MBD5: variants seen among roughly 807,000 people sequenced by gnomAD.
The protein encoded by MBD5 is methyl-CpG binding domain protein 5, also known as methyl-CpG-binding domain protein 5.
In MBD5, 13 loss-of-function variants were observed where a neutral mutation model predicts 117.3. That is an observed-to-expected ratio of 0.11 (90% CI 0.07 to 0.18). MBD5 has a LOEUF of 0.18. MBD5 is among the 10% of genes least tolerant of loss of function. The pLI is 1.00. For synonymous variants in MBD5, 727 were observed against 766.4 expected (o/e 0.95, Z 0.85); for missense variants, 1,879 against 2,093.8 (o/e 0.90, Z 2.00).
rs534156534 is a variant in MBD5 at position 148,366,691 on chromosome 2, G to A, written c.-557+24355G>A. Among the ~76,000 whole-genome samples, 8 of 152,074 alleles carry A rather than the reference G, an allele frequency of 5.3e-5. 1 individual carries two copies. The South Asian group carries it at 1.7e-3, about 32-fold the overall frequency. Reference sequence around the variant, plus strand: ...ATTCCTATACACCAATAATAAACAAGCGGAGAGCCAAATCATGAGTGAACT... The same window carrying A: ...ATTCCTATACACCAATAATAAACAAACGGAGAGCCAAATCATGAGTGAACT... On this transcript the variant is annotated intron_variant, in intron 4 of 13. Transcript: ENST00000642680.
intron 2 of MBD5, among the ~76,000 whole-genome samples, chr2:148,219,637 A>C (rs561042311): frequency 2.0e-5 from 3 of 152,220 alleles, no homozygotes; most frequent in Non-Finnish European, 4.4e-5. Flanking sequence ...ATTATTAGGC[A>C]TACAGAAACA....
intron 1 of MBD5, among the ~76,000 whole-genome samples, chr2:148,132,459 C>A (rs116746222): frequency 6.6e-6 from 1 of 151,250 alleles, no homozygotes; most frequent in Non-Finnish European, 1.5e-5. Context: ...AAGTGAAGTA[C>A]GTCCATATGG....
chr2:148,452,714 C>A (rs1706765184), intron 4 of MBD5, among the ~76,000 whole-genome samples: 1 of 151,956 alleles, frequency 6.6e-6, no homozygotes, highest in East Asian at 1.9e-4. Flanking sequence ...TGTCTATAAA[C>A]CACTTAGTAA....
chr2:148,241,391 A>G (rs983116576), intron 3 of MBD5, among the ~76,000 whole-genome samples: 2 of 152,140 alleles, frequency 1.3e-5, no homozygotes, highest in East Asian at 1.9e-4. Flanking sequence ...GGTGTTACTA[A>G]TCTGCTTTTA....
chr2:148,280,383 C>T (rs968699066), intron 3 of MBD5, among the ~76,000 whole-genome samples: 6 of 152,072 alleles, frequency 3.9e-5, no homozygotes, highest in Admixed American at 2.6e-4. Context: ...ACAGTTACTT[C>T]TTATGTCCCT....
At chr2:148,318,146 T>G (rs1702197337) in intron 3 of MBD5, among the ~76,000 whole-genome samples, 1 of 152,192 alleles carries the variant, frequency 6.6e-6, no homozygotes, top group Admixed American at 6.5e-5. Context: ...GTAATAGCCC[T>G]TCTGACTGGT....
chr2:148,313,147 A>G (rs1232337668), intron 3 of MBD5, among the ~76,000 whole-genome samples: 1 of 152,134 alleles, frequency 6.6e-6, no homozygotes. Context: ...CCATTTGAGG[A>G]GGCAGTCTAT....
chr2:148,469,262 C>A lies in MBD5; in HGVS notation c.1319C>A (p.Thr440Lys). ...ACCTCCCTGTCCCCTTCTCCAGTGACATCCCCCGTGCACATGATGGGGACT... is the reference window on the plus strand; with the variant it reads ...ACCTCCCTGTCCCCTTCTCCAGTGAAATCCCCCGTGCACATGATGGGGACT... ...ASTSLSPSPV[T>K]SPVHMMGTGI... is the part of the protein sequence containing the mutation. The change falls in exon 8 of 14, where the codon ACA becomes AAA. Residue 440 changes from threonine to lysine, a missense_variant. Physicochemically the swap from Thr to Lys is moderately conservative, Grantham distance 78. Coordinates refer to ENST00000642680, the MANE Select transcript of MBD5 (RefSeq NM_001378120.1). The A allele has an allele frequency of 6.2e-7, 1 of 1,613,962 alleles. No individual in the cohort carries two copies. The highest frequency in any genetic ancestry group is 2.2e-5 in the East Asian group (1 of 44,850).
At chr2:148,420,883 C>T (rs1383409991) in intron 4 of MBD5, among the ~76,000 whole-genome samples, 2 of 152,078 alleles carry the variant, frequency 1.3e-5, no homozygotes, top group East Asian at 1.9e-4. Context: ...CACACCACCA[C>T]ACCCAGCTAA....
At chr2:148,368,004 C>A (rs1259048426) in intron 4 of MBD5, among the ~76,000 whole-genome samples, 1 of 152,110 alleles carries the variant, frequency 6.6e-6, no homozygotes, top group African/African-American at 2.4e-5. Context: ...ATAAATCATT[C>A]TACTATAAAG....
At chr2:148,178,054 C>T (rs1449727689) in intron 1 of MBD5, among the ~76,000 whole-genome samples, 1 of 152,158 alleles carries the variant, frequency 6.6e-6, no homozygotes, top group African/African-American at 2.4e-5. Flanking sequence ...TCCTGTTTCC[C>T]TAACTGCATT....
At chr2:148,402,556 G>A (rs1704956302) in intron 4 of MBD5, among the ~76,000 whole-genome samples, 1 of 151,986 alleles carries the variant, frequency 6.6e-6, no homozygotes, top group Non-Finnish European at 1.5e-5. Context: ...CCCAAAGACT[G>A]TACTGCTTTC....
intron 1 of MBD5, among the ~76,000 whole-genome samples, chr2:148,118,660 C>T (rs900231603): frequency 6.6e-6 from 1 of 151,932 alleles, no homozygotes; most frequent in Admixed American, 6.6e-5. Context: ...ACTCTGTATC[C>T]ATTAGTGATC....
chr2:148,027,882 G>T (rs765028304), intron 1 of MBD5: 1 of 151,964 alleles, frequency 6.6e-6, no homozygotes, highest in African/African-American at 2.4e-5. Context: ...AGAATAATCC[G>T]AATAATCAGT....
intron 12 of MBD5, among the ~76,000 whole-genome samples, chr2:148,509,081 A>G (rs1304832869): frequency 6.6e-6 from 1 of 152,232 alleles, no homozygotes; most frequent in Non-Finnish European, 1.5e-5. Context: ...TCCATGGTAG[A>G]TGCTAAGATA....
At chr2:148,092,528 G>A (rs1196848657) in intron 1 of MBD5, among the ~76,000 whole-genome samples, 1 of 152,204 alleles carries the variant, frequency 6.6e-6, no homozygotes, top group Non-Finnish European at 1.5e-5. Context: ...AACCTGGATG[G>A]AGTGGGGACC....
chr2:148,404,165 A>G (rs188933709), intron 4 of MBD5, among the ~76,000 whole-genome samples: 11 of 143,960 alleles, frequency 7.6e-5, no homozygotes, highest in African/African-American at 2.8e-4. Flanking sequence ...GTATTTGTTT[A>G]TGCCTTTAAA....
rs191811570 is a variant in MBD5, at chr2:148,276,214, G to C, written c.-680+42819G>C. ...GCATGCCCATAGTCCTAGCTACTTG[G>C]GGGGCTGAGGCAGGAGAATAGCCTG... On this transcript the variant is annotated intron_variant, in intron 3 of 13. Transcript: ENST00000642680. Among the ~76,000 whole-genome samples the C allele has an allele frequency of 7.8e-3, 1,192 of 152,218 alleles. 9 individuals carry two copies. The highest frequency in any genetic ancestry group is 0.013 in the Non-Finnish European group (855 of 68,026).
intron 1 of MBD5, among the ~76,000 whole-genome samples, chr2:148,143,799 T>TTTTTTTAA (rs1697375806): frequency 6.6e-6 from 1 of 152,202 alleles, no homozygotes; most frequent in African/African-American, 2.4e-5. Flanking sequence ...TTTTTATGGC[T>TTTTTTTAA]GCATAGTGTT....
Sources: allele counts gnomAD v4.1 joint callset (sites outside exome capture counted in the v4.1 genomes callset), GRCh38; gene constraint gnomAD v4.1.1; transcripts MANE v1.5; gene names NCBI Gene and HGNC (gene_info 2026-07-23, HGNC 2026-07-21).